NPAS3: variants seen among roughly 807,000 people sequenced by gnomAD.
The protein encoded by NPAS3 is neuronal PAS domain-containing protein 3.
NPAS3 carries 14 observed loss-of-function variants against 73.1 expected under a neutral mutation model. The observed-to-expected ratio is 0.19, with a 90% CI of 0.13 to 0.30. The LOEUF (loss-of-function observed/expected upper bound fraction) is 0.30. Ranked by LOEUF, NPAS3 falls within the 10% of genes least tolerant of loss-of-function variation. NPAS3 has a pLI of 1.00. For missense variants in NPAS3, 1,096 were observed against 1,250.0 expected, an observed-to-expected ratio of 0.88 and a Z score of 1.86; for synonymous variants, 620 against 541.5, an observed-to-expected ratio of 1.14 and a Z score of -2.01.
At chr14:33,405,676 A>G (rs192805856) in intron 4 of NPAS3, among the ~76,000 whole-genome samples, 1 of 152,034 alleles carries the variant, frequency 6.6e-6, no homozygotes, top group African/African-American at 2.4e-5. Context: ...AATCCCATTT[A>G]AAAAAAATCT....
At chr14:33,156,061 A>T (rs1385399581) in intron 2 of NPAS3, among the ~76,000 whole-genome samples, 1 of 152,212 alleles carries the variant, frequency 6.6e-6, no homozygotes, top group Non-Finnish European at 1.5e-5. Context: ...TAGGTGATGA[A>T]GTCTATGCAC....
At chr14:33,480,551 TCCTCCCTCCCTCC>T in intron 4 of NPAS3, among the ~76,000 whole-genome samples, 1 of 16,428 alleles carries the variant, frequency 6.1e-5, no homozygotes, top group South Asian at 2.0e-3. Flanking sequence ...CCCCCACCCT[TCCTCCCTCCCTCC>T]CTCCCTCCCT....
At chr14:33,645,375 A>G (rs977277675) in intron 5 of NPAS3, among the ~76,000 whole-genome samples, 2 of 152,196 alleles carry the variant, frequency 1.3e-5, no homozygotes, top group Non-Finnish European at 2.9e-5. Flanking sequence ...TAAAGTCCAC[A>G]GGCTCTGTGT....
chr14:33,527,096 G>A (rs912085358), intron 4 of NPAS3, among the ~76,000 whole-genome samples: 1 of 152,200 alleles, frequency 6.6e-6, no homozygotes, highest in Non-Finnish European at 1.5e-5. Flanking sequence ...AGAAGGAGGA[G>A]GTTGATTGGC....
intron 3 of NPAS3, among the ~76,000 whole-genome samples, chr14:33,263,960 G>C (rs1399383543): frequency 2.0e-5 from 3 of 152,080 alleles, no homozygotes; most frequent in Non-Finnish European, 4.4e-5. Flanking sequence ...CTGCTATAAG[G>C]ACACATGCAC....
intron 3 of NPAS3, among the ~76,000 whole-genome samples, chr14:33,261,472 A>T (rs1240187788): frequency 2.0e-5 from 3 of 152,126 alleles, no homozygotes; most frequent in Non-Finnish European, 4.4e-5. Flanking sequence ...TTGTACATAT[A>T]TTTAAAAGAT....
chr14:33,560,291 T>A, intron 5 of NPAS3, 81 bp downstream of exon 5: 4 of 712,120 alleles, frequency 5.6e-6, no homozygotes, highest in African/African-American at 1.8e-5. Context: ...CAAGGAATAT[T>A]CTGTTTAGCA....
At chr14:33,491,591 A>C (rs1335579611) in intron 4 of NPAS3, among the ~76,000 whole-genome samples, 1 of 152,186 alleles carries the variant, frequency 6.6e-6, no homozygotes, top group African/African-American at 2.4e-5. Context: ...GGTAGCTACC[A>C]TATTAGCTCT....
chr14:33,072,532 G>C (rs562189670), intron 2 of NPAS3, among the ~76,000 whole-genome samples: 3 of 152,134 alleles, frequency 2.0e-5, no homozygotes, highest in Non-Finnish European at 4.4e-5. Flanking sequence ...GTGGGCTACT[G>C]TCCTTGCCTC....
At chr14:33,704,949 T>G (rs906710695) in intron 6 of NPAS3, among the ~76,000 whole-genome samples, 1 of 152,218 alleles carries the variant, frequency 6.6e-6, no homozygotes, top group African/African-American at 2.4e-5. Context: ...GGGTGCAGTT[T>G]CAGGCAGGTC....
intron 4 of NPAS3, among the ~76,000 whole-genome samples, chr14:33,373,386 A>ATGTGTGTGTGTGTGTG (rs5807721): frequency 2.0e-5 from 3 of 147,140 alleles, no homozygotes; most frequent in African/African-American, 7.5e-5. Context: ...ATTGAACTAT[A>ATGTGTGTGTGTGTGTG]TGTGTGTGTG....
At chr14:33,606,389 C>T (rs1355288636) in intron 5 of NPAS3, among the ~76,000 whole-genome samples, 2 of 151,848 alleles carry the variant, frequency 1.3e-5, no homozygotes, top group African/African-American at 4.8e-5. Context: ...CATGTCCCTA[C>T]AAAGGACATG....
At chr14:33,182,247 T>C (rs989310009) in intron 2 of NPAS3, among the ~76,000 whole-genome samples, 1 of 152,220 alleles carries the variant, frequency 6.6e-6, no homozygotes, top group East Asian at 1.9e-4. Flanking sequence ...AATAGTTTAA[T>C]ATTAAAAATG....
intron 7 of NPAS3, among the ~76,000 whole-genome samples, chr14:33,770,360 A>G (rs1008054249): frequency 6.6e-6 from 1 of 152,228 alleles, no homozygotes; most frequent in Non-Finnish European, 1.5e-5. Flanking sequence ...ACATGTTAAC[A>G]AAGCTTCGCA....
At chr14:33,419,960 T>A (rs2048306248) in intron 4 of NPAS3, among the ~76,000 whole-genome samples, 1 of 151,926 alleles carries the variant, frequency 6.6e-6, no homozygotes, top group Non-Finnish European at 1.5e-5. Context: ...CCAAGTTACT[T>A]TTTTTGAACA....
Position 33,218,241 on chromosome 14 carries a change from C to A in NPAS3, c.385+2815C>A, listed in dbSNP as rs562981850. ...GAGCATCTAAGTTGGTACATATTCA[C>A]TTTCACTATTAGTAAACTGGTGATA... is the stretch of plus-strand genomic sequence containing the variant. On this transcript the variant is annotated intron_variant, in intron 3 of 11. Coordinates refer to ENST00000356141, the Ensembl canonical transcript of NPAS3. Among the ~76,000 whole-genome samples the A allele has an allele frequency of 3.3e-5, 5 of 152,234 alleles. No individual in the cohort carries two copies. In the South Asian group the frequency reaches 1.0e-3, roughly 32 times the overall value.
At chr14:33,561,345 A>G (rs2055640252) in intron 5 of NPAS3, among the ~76,000 whole-genome samples, 1 of 152,204 alleles carries the variant, frequency 6.6e-6, no homozygotes, top group African/African-American at 2.4e-5. Context: ...GCATGTAAGG[A>G]GGCTTGGGGA....
intron 4 of NPAS3, 114 bp downstream of exon 4, chr14:33,367,382 AT>A (rs1470007463): frequency 1.8e-6 from 1 of 550,176 alleles, no homozygotes; most frequent in Non-Finnish European, 3.2e-6. Flanking sequence ...GACTGTTGTG[AT>A]TTTATCTTGA....
intron 5 of NPAS3, among the ~76,000 whole-genome samples, chr14:33,618,938 C>T (rs2058002187): frequency 6.6e-6 from 1 of 152,234 alleles, no homozygotes; most frequent in South Asian, 2.1e-4. Flanking sequence ...CAGTGAGGTG[C>T]TGTCAGTTGT....
Sources: gnomAD v4.1 joint callset for allele counts (sites outside exome capture counted in the v4.1 genomes callset) on GRCh38, gnomAD v4.1.1 for gene constraint, MANE v1.5 for transcripts, NCBI Gene and HGNC (gene_info 2026-07-23, HGNC 2026-07-21) for gene names.